TOX3: variants seen among roughly 807,000 people sequenced by gnomAD.
TOX3 encodes TOX high mobility group box family member 3, also known as CAG trinucleotide repeat-containing gene F9 protein.
TOX3 carries 22 observed loss-of-function variants against 64.3 expected under a neutral mutation model. The observed-to-expected ratio is 0.34, with a 90% CI of 0.24 to 0.49. The LOEUF (loss-of-function observed/expected upper bound fraction) is 0.49. Ranked by LOEUF, TOX3 falls within the 20% of genes least tolerant of loss-of-function variation. The pLI, the probability that TOX3 is intolerant of heterozygous loss-of-function variation, is 0.99. For missense variants in TOX3, 661 were observed against 714.4 expected (o/e 0.93, Z 0.85); for synonymous variants, 291 against 273.6 (o/e 1.06, Z -0.63).
chr16:52,469,045 T>TGAG (rs1218503553), intron 1 of TOX3, among the ~76,000 whole-genome samples: 2 of 152,332 alleles, frequency 1.3e-5, no homozygotes. Context: ...AAATTCTATT[T>TGAG]TCTAGTGAAT....
intron 1 of TOX3, among the ~76,000 whole-genome samples, chr16:52,486,217 C>T (rs1961528048): frequency 6.6e-6 from 1 of 152,094 alleles, no homozygotes; most frequent in Admixed American, 6.6e-5. Flanking sequence ...TGAAGAACAC[C>T]AGTGTCTGAT....
At chr16:52,488,036 C>T (rs1346239933) in intron 1 of TOX3, among the ~76,000 whole-genome samples, 2 of 152,206 alleles carry the variant, frequency 1.3e-5, no homozygotes, top group African/African-American at 4.8e-5. Flanking sequence ...AGGGAAACTT[C>T]CAAGTGCCAA....
At chr16:52,512,966 C>T (rs993410838) in intron 1 of TOX3, among the ~76,000 whole-genome samples, 3 of 152,162 alleles carry the variant, frequency 2.0e-5, no homozygotes, top group African/African-American at 7.2e-5. Flanking sequence ...TCTTCACATC[C>T]AAAAGCTGAT....
At chr16:52,448,768 T>C (rs1365495030) in intron 4 of TOX3, among the ~76,000 whole-genome samples, 2 of 152,190 alleles carry the variant, frequency 1.3e-5, no homozygotes, top group African/African-American at 4.8e-5. Context: ...GAAGTCCTGA[T>C]TACTTTCACA....
chr16:52,503,921 C>T (rs1052745562), intron 1 of TOX3, among the ~76,000 whole-genome samples: 8 of 152,006 alleles, frequency 5.3e-5, no homozygotes, highest in African/African-American at 1.7e-4. Context: ...TTCCGAAGTC[C>T]GCTTTATCAT....
chr16:52,510,592 C>G (rs1243486891), intron 1 of TOX3, among the ~76,000 whole-genome samples: 1 of 151,740 alleles, frequency 6.6e-6, no homozygotes, highest in African/African-American at 2.4e-5. Flanking sequence ...CCCATCTCTA[C>G]TAAAAATACA....
At chr16:52,440,361 G>T (rs1959928550) in intron 6 of TOX3, among the ~76,000 whole-genome samples, 1 of 152,118 alleles carries the variant, frequency 6.6e-6, no homozygotes, top group Non-Finnish European at 1.5e-5. Flanking sequence ...CCTCCAACAT[G>T]CAAGCTGACC....
chr16:52,463,890 T>C (rs1960772605), intron 3 of TOX3, 44 bp downstream of exon 3: 1 of 1,484,366 alleles, frequency 6.7e-7, no homozygotes, highest in Non-Finnish European at 9.0e-7. Context: ...CTATGATTTG[T>C]GCAAATGATA....
chr16:52,483,349 T>C (rs1961416522), intron 1 of TOX3, among the ~76,000 whole-genome samples: 1 of 151,852 alleles, frequency 6.6e-6, no homozygotes, highest in Non-Finnish European at 1.5e-5. Flanking sequence ...AAACAGAAAA[T>C]ACATTATATT....
intron 1 of TOX3, among the ~76,000 whole-genome samples, chr16:52,526,214 C>T (rs538562979): frequency 1.3e-5 from 2 of 152,100 alleles, no homozygotes; most frequent in Non-Finnish European, 2.9e-5. Context: ...CCTGGAATGT[C>T]CAGCGAAAGC....
chr16:52,449,031 G>T (rs528827924), intron 4 of TOX3, among the ~76,000 whole-genome samples: 1 of 152,226 alleles, frequency 6.6e-6, no homozygotes, highest in South Asian at 2.1e-4. Flanking sequence ...AAATCTTTAT[G>T]ATTTTCACTC....
At chr16:52,458,474 G>A (rs941945088) in intron 3 of TOX3, among the ~76,000 whole-genome samples, 14 of 152,104 alleles carry the variant, frequency 9.2e-5, no homozygotes, top group African/African-American at 3.4e-4. Context: ...GCTGTAAAAG[G>A]GTGTCTTTGC....
chr16:52,465,081 C>T (rs1960819843), intron 2 of TOX3, among the ~76,000 whole-genome samples: 1 of 125,926 alleles, frequency 7.9e-6, no homozygotes, highest in Admixed American at 1.0e-4. Context: ...GTGGTGCCAT[C>T]TCGGCTCACT....
At chr16:52,462,302 T>C (rs1960715147) in intron 3 of TOX3, among the ~76,000 whole-genome samples, 1 of 152,114 alleles carries the variant, frequency 6.6e-6, no homozygotes, top group African/African-American at 2.4e-5. Flanking sequence ...CGTGAAAGCA[T>C]TGTTCTTTAA....
At chr16:52,513,610 T>C (rs1567344311) in intron 1 of TOX3, among the ~76,000 whole-genome samples, 1 of 152,312 alleles carries the variant, frequency 6.6e-6, no homozygotes, top group East Asian at 1.9e-4. Context: ...AAAGTAAAAG[T>C]GACCTGATTT....
chr16:52,512,818 TA>T (rs927368255), intron 1 of TOX3, among the ~76,000 whole-genome samples: 65 of 150,446 alleles, frequency 4.3e-4, no homozygotes, highest in African/African-American at 1.4e-3. Context: ...GGCATGTTAT[TA>T]AAAAAAAAGA....
Position 52,437,789 on chromosome 16 carries a change from TAAAAAAAAA to T in TOX3, c.*1427_*1435del, listed in dbSNP as rs67145443. 1.8e-5 allele frequency among the ~76,000 whole-genome samples: 2 copies of T among 111,368 alleles called. No individual in the cohort carries two copies. The highest frequency in any genetic ancestry group is 3.7e-5 in the Non-Finnish European group (2 of 54,784). The allele number at this position is 111,368 out of a possible 152,430, so 73.1% of individuals were successfully genotyped here. A position where few individuals can be genotyped will look rare whatever the true frequency, so the allele number is the denominator to read the frequency against. ...CTATACTTACCTTGTACTTGCATCT[TAAAAAAAAA>T]AAAAAAAAAAAAAAAGACAATTACA... is the stretch of plus-strand genomic sequence containing the variant. On this transcript the variant is annotated 3_prime_UTR_variant, in exon 7 of 7. Transcript: ENST00000219746.
In TOX3 at chr16:52,499,139, T is replaced by C. The variant is rs542900600; in HGVS notation, c.88-30565A>G. Among the ~76,000 whole-genome samples the C allele has an allele frequency of 4.6e-5, 7 of 152,294 alleles. No individual in the cohort carries two copies. The East Asian group carries it at 9.7e-4, about 21-fold the overall frequency. ...CTATTATAACACAAAGCTACTAATA[T>C]GATTCACAAGACCCCCTGGAAATTA... On this transcript the variant is annotated intron_variant, in intron 1 of 6. Coordinates refer to ENST00000219746, the MANE Select transcript of TOX3 (RefSeq NM_001080430.4).
intron 3 of TOX3, among the ~76,000 whole-genome samples, chr16:52,453,032 C>A (rs142620906): frequency 5.9e-5 from 9 of 152,260 alleles, no homozygotes; most frequent in Admixed American, 5.9e-4. Flanking sequence ...CACATTTGCT[C>A]ATTTCTCCTA....
Sources: gnomAD v4.1 joint callset for allele counts (sites outside exome capture counted in the v4.1 genomes callset) on GRCh38, gnomAD v4.1.1 for gene constraint, MANE v1.5 for transcripts, NCBI Gene and HGNC (gene_info 2026-07-23, HGNC 2026-07-21) for gene names.